The following TMCO4 variants were observed in gnomAD, a reference collection of about 807,000 sequenced individuals.
The protein encoded by TMCO4 is transmembrane and coiled-coil domain-containing protein 4.
In TMCO4, 58 loss-of-function variants were observed where a neutral mutation model predicts 64.7. The observed-to-expected ratio is 0.90, with a 90% confidence interval of 0.73 to 1.12. The LOEUF (loss-of-function observed/expected upper bound fraction) is 1.12. Among genes scored for constraint, TMCO4 ranks in the 50% most tolerant of loss-of-function variants. The pLI is 0.00. For missense variants in TMCO4, 780 were observed against 825.9 expected, an observed-to-expected ratio of 0.94 and a Z score of 0.68; for synonymous variants, 325 against 346.1, an observed-to-expected ratio of 0.94 and a Z score of 0.68.
chr1:19,711,313 A>G (rs2095329850), intron 13 of TMCO4, among the ~76,000 whole-genome samples: 1 of 152,220 alleles, frequency 6.6e-6, no homozygotes, highest in South Asian at 2.1e-4. Context: ...ATTTCCTACA[A>G]GAAGCTTTCC....
intron 2 of TMCO4, among the ~76,000 whole-genome samples, chr1:19,788,985 G>A (rs1212024945): frequency 6.6e-6 from 1 of 151,760 alleles, no homozygotes; most frequent in Non-Finnish European, 1.5e-5. Context: ...TGAGGCAGGA[G>A]AATGGCGTGA....
chr1:19,780,478 C>A, intron 4 of TMCO4, 102 bp downstream of exon 4: 1 of 1,368,208 alleles, frequency 7.3e-7, no homozygotes, highest in Non-Finnish European at 9.8e-7. Context: ...AATGACTTGC[C>A]CCTCTCTGCA....
chr1:19,774,994 G>T (rs2043146167), intron 4 of TMCO4, among the ~76,000 whole-genome samples: 1 of 152,152 alleles, frequency 6.6e-6, no homozygotes, highest in South Asian at 2.1e-4. Context: ...CACTGAGCAA[G>T]GGCATCAAAC....
chr1:19,752,047 C>CA (rs779717204), intron 7 of TMCO4, among the ~76,000 whole-genome samples: 2,879 of 139,350 alleles, frequency 0.021, 36 homozygotes, highest in Non-Finnish European at 0.027. Flanking sequence ...GACTTTGTCT[C>CA]AAAAAAAAAA....
chr1:19,708,609 G>A (rs2095314528), intron 13 of TMCO4, among the ~76,000 whole-genome samples: 1 of 152,206 alleles, frequency 6.6e-6, no homozygotes, highest in Admixed American at 6.5e-5. Flanking sequence ...TTGCCAGCGG[G>A]AATCAGGTGA....
intron 13 of TMCO4, among the ~76,000 whole-genome samples, chr1:19,715,718 G>A (rs1159034667): frequency 1.3e-5 from 2 of 152,206 alleles, no homozygotes; most frequent in African/African-American, 4.8e-5. Context: ...AGGAGGGATG[G>A]CTGCAGAAAT....
At chr1:19,761,102 C>T (rs982242697) in intron 6 of TMCO4, among the ~76,000 whole-genome samples, 6 of 152,290 alleles carry the variant, frequency 3.9e-5, no homozygotes, top group African/African-American at 1.4e-4. Context: ...TATAGAAACT[C>T]CATCTTCTCA....
At chr1:19,787,442 A>G (rs979356165) in intron 2 of TMCO4, among the ~76,000 whole-genome samples, 1 of 152,216 alleles carries the variant, frequency 6.6e-6, no homozygotes, top group Non-Finnish European at 1.5e-5. Flanking sequence ...CTCAGCGGGC[A>G]CCCTGTCGCC....
chr1:19,694,879 T>C (rs2095225305), intron 14 of TMCO4, among the ~76,000 whole-genome samples: 1 of 152,132 alleles, frequency 6.6e-6, no homozygotes, highest in African/African-American at 2.4e-5. Context: ...AATGAATGAA[T>C]GAATGAGGAA....
At chr1:19,737,701 G>A (rs927586898) in intron 12 of TMCO4, among the ~76,000 whole-genome samples, 4 of 152,248 alleles carry the variant, frequency 2.6e-5, no homozygotes, top group African/African-American at 9.6e-5. Flanking sequence ...GCCCCCGGCT[G>A]GGTTAATTCC....
intron 15 of TMCO4, among the ~76,000 whole-genome samples, chr1:19,686,033 G>T (rs2095146880): frequency 6.6e-6 from 1 of 152,136 alleles, no homozygotes; most frequent in African/African-American, 2.4e-5. Context: ...GGCCATCCAG[G>T]CCTGTTTCTA....
chr1:19,753,886 C>A (rs1262563674), intron 7 of TMCO4, among the ~76,000 whole-genome samples: 25 of 152,088 alleles, frequency 1.6e-4, no homozygotes, highest in Admixed American at 1.6e-3. Context: ...ACAATAGGGT[C>A]TATAATAGTT....
intron 6 of TMCO4, among the ~76,000 whole-genome samples, chr1:19,769,104 C>T (rs572859217): frequency 2.0e-5 from 3 of 152,266 alleles, no homozygotes; most frequent in East Asian, 3.9e-4. Context: ...GCACCCTCCT[C>T]TTTTAGGGTT....
chr1:19,769,647 C>T (rs1395869078), intron 6 of TMCO4, among the ~76,000 whole-genome samples: 1 of 152,134 alleles, frequency 6.6e-6, no homozygotes, highest in East Asian at 1.9e-4. Flanking sequence ...AGCGTCTCCC[C>T]AGTTTAGAGA....
intron 1 of TMCO4, among the ~76,000 whole-genome samples, chr1:19,798,988 G>A (rs926633131): frequency 6.6e-6 from 1 of 152,240 alleles, no homozygotes; most frequent in Non-Finnish European, 1.5e-5. Flanking sequence ...TAGTAGTCTG[G>A]GATTCTAGCC....
chr1:19,722,039 G>T (rs572096627), intron 13 of TMCO4, among the ~76,000 whole-genome samples: 1 of 152,286 alleles, frequency 6.6e-6, no homozygotes, highest in South Asian at 2.1e-4. Flanking sequence ...TGATTAAATT[G>T]ATCAGTCCTC....
In TMCO4 at chr1:19,737,404, T is replaced by C. The variant is rs768744935; in HGVS notation, c.1232A>G (p.Tyr411Cys). 1.2e-6 allele frequency: 2 copies of C among 1,613,890 alleles called. No homozygotes were observed. The highest frequency in any genetic ancestry group is 1.3e-5 in the African/African-American group (1 of 75,050). Residue 411 changes from tyrosine (Y) to cysteine (C), a missense_variant, in exon 13 of 16, where the codon TAC becomes TGC. By Grantham distance (194) the Tyr-to-Cys change is radical (BLOSUM62 -2). Coordinates refer to ENST00000294543, the MANE Select transcript of TMCO4 (RefSeq NM_181719.7). ...IGFSLGARVI[Y>C]FCLQEMAQEK... ...TTGAGCCATCTCCTGCAGACAGAAG[T>C]AGATGACTCTGGCTCCCAGGCTGAA...
intron 6 of TMCO4, among the ~76,000 whole-genome samples, chr1:19,769,765 C>T (rs2042898561): frequency 6.7e-6 from 1 of 150,132 alleles, no homozygotes; most frequent in African/African-American, 2.5e-5. Context: ...GGAGGCAGCC[C>T]GCATAGTGGC....
chr1:19,747,616 C>A (rs1488472918), intron 7 of TMCO4, among the ~76,000 whole-genome samples: 1 of 152,138 alleles, frequency 6.6e-6, no homozygotes, highest in African/African-American at 2.4e-5. Context: ...GACTCCATCA[C>A]CTCCCTCCTC....
Sources: gnomAD v4.1 joint callset for allele counts (sites outside exome capture counted in the v4.1 genomes callset) on GRCh38, gnomAD v4.1.1 for gene constraint, MANE v1.5 for transcripts, NCBI Gene and HGNC (gene_info 2026-07-23, HGNC 2026-07-21) for gene names.